Variants in FAM110B observed in about 807,000 individuals in gnomAD.
The protein encoded by FAM110B is family with sequence similarity 110 member B, also known as protein FAM110B.
A neutral mutation model predicts 20.4 loss-of-function variants in FAM110B; 6 were observed. The ratio of observed to expected loss-of-function variants is 0.29; its 90% CI spans 0.16 to 0.58. The LOEUF (loss-of-function observed/expected upper bound fraction) is 0.58, where lower values mean the gene tolerates loss of function less well. FAM110B is among the 20% of genes least tolerant of loss of function. The pLI, the probability that FAM110B is intolerant of heterozygous loss-of-function variation, is 0.90. For missense variants in FAM110B, 434 were observed against 498.2 expected (o/e 0.87, Z 1.23); for synonymous variants, 226 against 214.1 (o/e 1.06, Z -0.49).
chr8:58,079,635 G>A (rs1432179026), intron 3 of FAM110B, among the ~76,000 whole-genome samples: 2 of 152,200 alleles, frequency 1.3e-5, no homozygotes. Flanking sequence ...TTTTAAATTA[G>A]CCAGGTGTTG....
chr8:58,132,455 C>G (rs1454870903), intron 3 of FAM110B, among the ~76,000 whole-genome samples: 1 of 151,944 alleles, frequency 6.6e-6, no homozygotes, highest in African/African-American at 2.4e-5. Flanking sequence ...GTCCTTGTGG[C>G]CACAGATGTT....
At chr8:58,071,506 A>G (rs1805895531) in intron 2 of FAM110B, among the ~76,000 whole-genome samples, 1 of 152,192 alleles carries the variant, frequency 6.6e-6, no homozygotes, top group African/African-American at 2.4e-5. Context: ...TGCAATTTTA[A>G]TGATTTGTTC....
intron 3 of FAM110B, among the ~76,000 whole-genome samples, chr8:58,091,820 G>T (rs748307215): frequency 6.6e-6 from 1 of 152,160 alleles, no homozygotes; most frequent in African/African-American, 2.4e-5. Flanking sequence ...AATGATCCCT[G>T]CATGGCAGAG....
chr8:58,114,834 C>T (rs1417888417), intron 3 of FAM110B, among the ~76,000 whole-genome samples: 1 of 152,120 alleles, frequency 6.6e-6, no homozygotes, highest in Admixed American at 6.6e-5. Context: ...ATTTGAGTAG[C>T]TGCTGAAGGA....
At chr8:58,055,394 C>CT (rs1805526822) in intron 2 of FAM110B, among the ~76,000 whole-genome samples, 1 of 152,092 alleles carries the variant, frequency 6.6e-6, no homozygotes, top group Non-Finnish European at 1.5e-5. Context: ...CTTGATATGT[C>CT]TTTTTTTGTC....
At chr8:58,006,923 A>ATATATATATATATATTTTT in intron 1 of FAM110B, among the ~76,000 whole-genome samples, 11 of 126,506 alleles carry the variant, frequency 8.7e-5, no homozygotes, top group African/African-American at 3.3e-4. Flanking sequence ...ATATATATAT[A>ATATATATATATATATTTTT]TTTTTCCAAA....
chr8:58,044,544 G>T (rs1331317870), intron 2 of FAM110B, among the ~76,000 whole-genome samples: 1 of 152,176 alleles, frequency 6.6e-6, no homozygotes, highest in Non-Finnish European at 1.5e-5. Context: ...AGCTGTTAGG[G>T]TGGCAGCTGA....
chr8:58,146,741 C>T lies in FAM110B; in HGVS notation c.511C>T (p.Arg171Cys), dbSNP rs764848330. 38 of 1,611,372 alleles carry T rather than the reference C, an allele frequency of 2.4e-5. No individual in the cohort carries two copies. Among genetic ancestry groups the T allele is most frequent in the African/African-American group, 2.1e-4 (16 of 74,852 alleles). The change falls in exon 4 of 4, where the codon CGC (arginine) becomes TGC (cysteine). Residue 171 changes from arginine (R) to cysteine (C), a missense_variant. By Grantham distance (180) the Arg-to-Cys change is radical. Coordinates refer to ENST00000519262, the MANE Select transcript of FAM110B (RefSeq NM_001377989.1). ...CCTGAAGGTCTACCCCACGCAGGGC[C>T]GCAGGAGCCCGCAGGAGGGCGGCTC... ...ESLKVYPTQG[R>C]RSPQEGGSHV...
At chr8:58,001,552 C>G (rs545261301) in intron 1 of FAM110B, among the ~76,000 whole-genome samples, 1 of 152,100 alleles carries the variant, frequency 6.6e-6, no homozygotes, top group African/African-American at 2.4e-5. Context: ...GATTCACTAG[C>G]GTTACAAGAT....
intron 2 of FAM110B, among the ~76,000 whole-genome samples, chr8:58,061,413 T>C (rs1455368204): frequency 2.6e-5 from 4 of 151,634 alleles, no homozygotes; most frequent in Non-Finnish European, 1.5e-5. Flanking sequence ...TCAGACTTTA[T>C]GATAAAAAAC....
chr8:58,029,088 G>A (rs1269292158), intron 1 of FAM110B, among the ~76,000 whole-genome samples: 2 of 152,198 alleles, frequency 1.3e-5, no homozygotes, highest in East Asian at 3.9e-4. Context: ...TTGTTAATAA[G>A]CTGCTGACCT....
intron 2 of FAM110B, among the ~76,000 whole-genome samples, chr8:58,069,405 A>C (rs1040507496): frequency 6.6e-6 from 1 of 152,332 alleles, no homozygotes; most frequent in South Asian, 2.1e-4. Context: ...CCAGGGTCAC[A>C]GCGCTAGGTA....
intron 3 of FAM110B, among the ~76,000 whole-genome samples, chr8:58,109,326 A>G (rs1052433348): frequency 3.3e-5 from 5 of 152,194 alleles, no homozygotes; most frequent in Admixed American, 1.3e-4. Flanking sequence ...TGAAAAACCA[A>G]TTTTACAAAT....
At chr8:58,119,819 C>T (rs577821963) in intron 3 of FAM110B, among the ~76,000 whole-genome samples, 6 of 152,306 alleles carry the variant, frequency 3.9e-5, no homozygotes, top group Admixed American at 6.5e-5. Context: ...CTCGGCATGC[C>T]GCTAAGCGCT....
chr8:58,146,775 G>T lies in FAM110B; in HGVS notation c.545G>T (p.Gly182Val). ...CCGCAGGAGGGCGGCTCCCACGTGG[G>T]CAGGAGACTGCTGGAGCAGTCAGCC... ...RSPQEGGSHV[G>V]RRLLEQSAES... Residue 182 changes from glycine (G) to valine (V), a missense_variant, in exon 4 of 4, where the codon GGC becomes GTC. Physicochemically the swap from Gly to Val is moderately radical, Grantham distance 109. Coordinates refer to ENST00000519262, the MANE Select transcript of FAM110B (RefSeq NM_001377989.1). 1.9e-6 allele frequency: 3 copies of T among 1,611,246 alleles called. No homozygotes were observed. Among genetic ancestry groups the T allele is most frequent in the Non-Finnish European group, 2.5e-6 (3 of 1,178,606 alleles).
At chr8:58,041,764 A>G (rs1805226349) in intron 2 of FAM110B, among the ~76,000 whole-genome samples, 1 of 152,236 alleles carries the variant, frequency 6.6e-6, no homozygotes, top group Non-Finnish European at 1.5e-5. Flanking sequence ...GGTGTTAACC[A>G]TCTGCTAAGT....
At chr8:58,069,370 TAGACAC>T (rs1372757040) in intron 2 of FAM110B, among the ~76,000 whole-genome samples, 2 of 152,204 alleles carry the variant, frequency 1.3e-5, no homozygotes, top group African/African-American at 2.4e-5. Flanking sequence ...ATCATTGTCT[TAGACAC>T]AGAAATGCAG....
At chr8:58,119,278 GA>G (rs1206630125) in intron 3 of FAM110B, among the ~76,000 whole-genome samples, 1 of 152,198 alleles carries the variant, frequency 6.6e-6, no homozygotes, top group Non-Finnish European at 1.5e-5. Context: ...GCTCAGTTCT[GA>G]AGGCTGGAAT....
intron 3 of FAM110B, among the ~76,000 whole-genome samples, chr8:58,102,050 T>C (rs1308564656): frequency 6.6e-6 from 1 of 152,264 alleles, no homozygotes; most frequent in African/African-American, 2.4e-5. Flanking sequence ...CTTTTCGTTA[T>C]TTTCCAGACC....
Sources: gnomAD v4.1 joint callset for allele counts (sites outside exome capture counted in the v4.1 genomes callset) on GRCh38, gnomAD v4.1.1 for gene constraint, MANE v1.5 for transcripts, NCBI Gene and HGNC (gene_info 2026-07-23, HGNC 2026-07-21) for gene names.